The following MECOM variants were observed in gnomAD, a reference collection of about 807,000 sequenced individuals.
The protein encoded by MECOM is histone-lysine N-methyltransferase MECOM.
Under a neutral mutation model 116.3 loss-of-function variants are expected in MECOM, and 13 were observed. That is an observed-to-expected ratio of 0.11 (90% CI 0.07 to 0.18). MECOM has a LOEUF of 0.18. MECOM is among the 10% of genes least tolerant of loss of function. MECOM has a pLI of 1.00. For missense variants in MECOM, 1,299 were observed against 1,509.0 expected (o/e 0.86, Z 2.31); for synonymous variants, 528 against 535.2 (o/e 0.99, Z 0.19).
chr3:169,455,318 T>A (rs1425596047), intron 1 of MECOM, among the ~76,000 whole-genome samples: 3 of 152,184 alleles, frequency 2.0e-5, no homozygotes, highest in African/African-American at 4.8e-5. Flanking sequence ...CACACCCTAA[T>A]TTAGGGATAT....
intron 2 of MECOM, among the ~76,000 whole-genome samples, chr3:169,268,378 T>G (rs964811022): frequency 6.6e-6 from 1 of 152,216 alleles, no homozygotes. Context: ...TCTCAAATAC[T>G]TGTTTGGAAA....
rs557396765 is a variant in MECOM, at chr3:169,559,151, T to C, written c.37+104185A>G. On this transcript the variant is annotated intron_variant, in intron 1 of 16. Transcript: ENST00000651503. ...GAAGTTTGGATGCCAAAAGACATTG[T>C]ATTGTCAAAGCTAGAGTTACATGAG... is the stretch of plus-strand genomic sequence containing the variant. 3.2e-3 allele frequency among the ~76,000 whole-genome samples: 486 copies of C among 152,286 alleles called. 1 individual carries two copies. Among genetic ancestry groups the C allele is most frequent in the Non-Finnish European group, 5.0e-3 (337 of 68,030 alleles).
chr3:169,127,911 C>A lies in MECOM; in HGVS notation c.763G>T (p.Asp255Tyr). Reference sequence around the variant, plus strand: ...TGGATCGTGTGTATCTCTTGGAGATCATTCTCGCTTTCGAGTTTTTGCTGA... The same window carrying A: ...TGGATCGTGTGTATCTCTTGGAGATAATTCTCGCTTTCGAGTTTTTGCTGA... ...DFQQKLESEN[D>Y]LQEIHTIQEC... is the part of the protein sequence containing the mutation. Residue 255 changes from aspartate (D) to tyrosine (Y), a missense_variant, in exon 5 of 17, where the codon GAT (aspartate) becomes TAT (tyrosine). Around this residue, in one of 6 missense-constraint regions of MECOM, gnomAD observed 374 missense variants for 433.4 expected, o/e 0.86. Coordinates refer to ENST00000651503, the MANE Select transcript of MECOM (RefSeq NM_004991.4). 6.2e-7 allele frequency: 1 copy of A among 1,614,092 alleles called. No homozygotes were observed. The highest frequency in any genetic ancestry group is 8.5e-7 in the Non-Finnish European group (1 of 1,179,954).
intron 2 of MECOM, among the ~76,000 whole-genome samples, chr3:169,296,556 T>A (rs1452209197): frequency 6.6e-6 from 1 of 152,190 alleles, no homozygotes; most frequent in Non-Finnish European, 1.5e-5. Context: ...ATTAGCTACA[T>A]GGGCAGAGTT....
chr3:169,422,416 A>G (rs1389696871), intron 1 of MECOM, among the ~76,000 whole-genome samples: 7 of 152,164 alleles, frequency 4.6e-5, no homozygotes, highest in Non-Finnish European at 1.5e-5. Flanking sequence ...CACCAGAAAC[A>G]AAATATGTTA....
At chr3:169,220,318 A>AAAAAG (rs920422095) in intron 2 of MECOM, among the ~76,000 whole-genome samples, 5 of 152,144 alleles carry the variant, frequency 3.3e-5, no homozygotes, top group Non-Finnish European at 5.9e-5. Context: ...AAAAACAAGC[A>AAAAAG]AAAAGAAAAG....
At chr3:169,306,887 C>T (rs1284188510) in intron 2 of MECOM, among the ~76,000 whole-genome samples, 1 of 152,186 alleles carries the variant, frequency 6.6e-6, no homozygotes, top group Non-Finnish European at 1.5e-5. Flanking sequence ...GGGGTCCCTT[C>T]CACTATCACA....
intron 1 of MECOM, among the ~76,000 whole-genome samples, chr3:169,431,446 G>A (rs537035818): frequency 2.0e-5 from 3 of 152,274 alleles, no homozygotes; most frequent in African/African-American, 7.2e-5. Context: ...CAAAACCGGG[G>A]TCTTCCAGAA....
chr3:169,384,981 G>T (rs189038739), intron 1 of MECOM, among the ~76,000 whole-genome samples: 1 of 151,608 alleles, frequency 6.6e-6, no homozygotes, highest in South Asian at 2.1e-4. Context: ...GTGCATGCCT[G>T]TAGTCCCAGC....
intron 1 of MECOM, among the ~76,000 whole-genome samples, chr3:169,646,846 T>C (rs1190983490): frequency 1.3e-5 from 2 of 152,186 alleles, no homozygotes; most frequent in Non-Finnish European, 2.9e-5. Context: ...CCTAAGTCAT[T>C]CATTCAACCA....
chr3:169,505,175 C>T (rs2108997190), intron 1 of MECOM, among the ~76,000 whole-genome samples: 1 of 152,176 alleles, frequency 6.6e-6, no homozygotes, highest in Non-Finnish European at 1.5e-5. Flanking sequence ...AAGTGCAAGG[C>T]CTACTCCTCA....
intron 2 of MECOM, among the ~76,000 whole-genome samples, chr3:169,250,190 C>T (rs919180281): frequency 6.6e-6 from 1 of 152,128 alleles, no homozygotes; most frequent in Non-Finnish European, 1.5e-5. Flanking sequence ...CTTTCTTTAC[C>T]AGGCCTCACG....
At chr3:169,471,527 G>A (rs966680495) in intron 1 of MECOM, among the ~76,000 whole-genome samples, 4 of 152,218 alleles carry the variant, frequency 2.6e-5, no homozygotes, top group Non-Finnish European at 5.9e-5. Context: ...AAAGTCACAC[G>A]CTCTTTGGGC....
intron 1 of MECOM, among the ~76,000 whole-genome samples, chr3:169,487,525 T>A (rs1206383595): frequency 6.6e-6 from 1 of 151,932 alleles, no homozygotes; most frequent in East Asian, 1.9e-4. Flanking sequence ...ACAAATAGAA[T>A]GTAGGAGAGG....
intron 11 of MECOM, among the ~76,000 whole-genome samples, chr3:169,101,210 C>A (rs1344086057): frequency 6.6e-6 from 1 of 152,182 alleles, no homozygotes; most frequent in Non-Finnish European, 1.5e-5. Flanking sequence ...TGAAAATAGA[C>A]TTTAGTTTTG....
At chr3:169,139,211 T>G (rs1235167205) in intron 3 of MECOM, among the ~76,000 whole-genome samples, 1 of 152,124 alleles carries the variant, frequency 6.6e-6, no homozygotes, top group Non-Finnish European at 1.5e-5. Flanking sequence ...TAATCTCTTA[T>G]CGACACATTT....
chr3:169,145,125 A>C (rs1739393440), intron 2 of MECOM: 3 of 938,832 alleles, frequency 3.2e-6, no homozygotes, highest in South Asian at 1.7e-5. Context: ...AATCGAACAT[A>C]AGATAGGGAT....
chr3:169,193,693 G>A (rs182842380), intron 2 of MECOM, among the ~76,000 whole-genome samples: 113 of 151,912 alleles, frequency 7.4e-4, no homozygotes, highest in African/African-American at 2.7e-3. Flanking sequence ...AGGATGACAT[G>A]GCTAAAAAGC....
Position 169,300,295 on chromosome 3 carries a change from T to A in MECOM, c.375+80892A>T, listed in dbSNP as rs114120903. 3.3e-3 allele frequency among the ~76,000 whole-genome samples: 498 copies of A among 152,282 alleles called. 3 individuals carry two copies. The highest frequency in any genetic ancestry group is 0.011 in the African/African-American group (468 of 41,560). ...TCTGCTCTCACAGTAAGAAAATGAA[T>A]GATATTTTATAGTAAATAATCATAA... is the stretch of plus-strand genomic sequence containing the variant. On this transcript the variant is annotated intron_variant, in intron 2 of 16. Coordinates refer to ENST00000651503, the MANE Select transcript of MECOM (RefSeq NM_004991.4).
Sources: gnomAD v4.1 joint callset for allele counts (sites outside exome capture counted in the v4.1 genomes callset) on GRCh38, gnomAD v4.1.1 for gene constraint, gnomAD v4.1.1 regional missense constraint, MANE v1.5 for transcripts, NCBI Gene and HGNC (gene_info 2026-07-23, HGNC 2026-07-21) for gene names.